Variants in CEP290 observed in about 807,000 individuals in gnomAD.
CEP290 encodes centrosomal protein of 290 kDa.
A neutral mutation model predicts 344.9 loss-of-function variants in CEP290; 317 were observed. That is an observed-to-expected ratio of 0.92 (90% CI 0.84 to 1.01). CEP290 has a LOEUF of 1.01. Among genes scored for constraint, CEP290 ranks in the 50% least tolerant of loss-of-function variants. The pLI is 0.00. For missense variants in CEP290, 2,754 were observed against 2,761.4 expected (o/e 1.00, Z 0.06); for synonymous variants, 932 against 895.8 (o/e 1.04, Z -0.72).
chr12:88,052,371 C>G (rs1415684057), intron 52 of CEP290, among the ~76,000 whole-genome samples: 1 of 152,082 alleles, frequency 6.6e-6, no homozygotes, highest in African/African-American at 2.4e-5. Context: ...CTTATACATG[C>G]AATAATACAC....
chr12:88,119,338 G>A (rs1326075827), intron 15 of CEP290, among the ~76,000 whole-genome samples: 1 of 152,128 alleles, frequency 6.6e-6, no homozygotes, highest in East Asian at 1.9e-4. Context: ...CAGCAACTTA[G>A]TCTGCACTAT....
intron 38 of CEP290, among the ~76,000 whole-genome samples, chr12:88,079,643 C>A (rs1234712563): frequency 6.6e-6 from 1 of 152,032 alleles, no homozygotes; most frequent in Non-Finnish European, 1.5e-5. Flanking sequence ...AATTTCATAG[C>A]TAGCACAGAA....
chr12:88,077,938 G>A lies in CEP290; in HGVS notation c.5365-20C>T. The A allele has an allele frequency of 9.2e-7, 1 of 1,081,136 alleles. No individual in the cohort carries two copies. Among genetic ancestry groups the A allele is most frequent in the Non-Finnish European group, 1.3e-6 (1 of 756,974 alleles). 67.0% of individuals were successfully genotyped at this position (1,081,136 alleles called of 1,614,324 possible). ...TTGTGTCTAATAAGAGAAAAAGAAAGGTATTATTCATGACTCTTCAAGAAG... is the reference window on the plus strand; with the variant it reads ...TTGTGTCTAATAAGAGAAAAAGAAAAGTATTATTCATGACTCTTCAAGAAG... On this transcript the variant is annotated intron_variant, in intron 39 of 53. Transcript: ENST00000552810.
intron 6 of CEP290, among the ~76,000 whole-genome samples, chr12:88,134,947 C>G (rs1395090175): frequency 6.6e-6 from 1 of 152,148 alleles, no homozygotes; most frequent in Non-Finnish European, 1.5e-5. Flanking sequence ...TCTAACTATA[C>G]TTCAGGTCTC....
chr12:88,080,052 G>GATAA (rs1290301566), intron 38 of CEP290, 130 bp downstream of exon 38: 4 of 658,780 alleles, frequency 6.1e-6, no homozygotes, highest in African/African-American at 1.8e-5. Flanking sequence ...AACAGCATAA[G>GATAA]ATAAAGCTCA....
intron 34 of CEP290, among the ~76,000 whole-genome samples, chr12:88,085,587 T>C (rs2036519173): frequency 6.6e-6 from 1 of 152,126 alleles, no homozygotes; most frequent in Non-Finnish European, 1.5e-5. Flanking sequence ...GATGACAGAT[T>C]TGATCACCTA....
Position 88,129,711 on chromosome 12 carries a change from C to T in CEP290, c.835G>A (p.Asp279Asn), listed in dbSNP as rs796540607. 7.0e-6 allele frequency: 10 copies of T among 1,437,084 alleles called. No homozygotes were observed. Among genetic ancestry groups the T allele is most frequent in the African/African-American group, 4.4e-5 (3 of 67,738 alleles). The allele number at this position is 1,437,084 out of a possible 1,614,324, so 89.0% of individuals were successfully genotyped here. A position where few individuals can be genotyped will look rare whatever the true frequency, so the allele number is the denominator to read the frequency against. ...NVIDQLKKEN[D>N]HYQLQVQELT... ...ATTCTTACTTGAAGTTGATAATGAT[C>T]GTTTTCTTTTTTTAACTGATCTATT... is the stretch of plus-strand genomic sequence containing the variant. Residue 279 changes from aspartate (D) to asparagine (N), a missense_variant, in exon 10 of 54, where the codon GAT becomes AAT. Asp to Asn is a conservative substitution (Grantham distance 23, BLOSUM62 1). Transcript: ENST00000552810.
chr12:88,114,156 C>G (rs1205477558), intron 20 of CEP290, among the ~76,000 whole-genome samples: 1 of 152,060 alleles, frequency 6.6e-6, no homozygotes, highest in East Asian at 1.9e-4. Flanking sequence ...AAAAACTCCT[C>G]AAGGTCTCAA....
rs1417635929 is a variant in CEP290, at chr12:88,115,141, A to G, written c.1866T>C (p.Asp622=). ...LSRELIEKER[D]LERSRTVIAK... ...CTATCACTGTCCTACTCCTTTCTAA[A>G]TCTCTTTCTTTTTCAATTAGTTCTC... The change falls in exon 19 of 54, where the codon GAT becomes GAC. Residue 622 remains aspartate (D), a synonymous_variant. Transcript: ENST00000552810. The G allele has an allele frequency of 2.0e-6, 3 of 1,496,952 alleles. No homozygotes were observed. In the South Asian group the frequency reaches 3.7e-5, roughly 19 times the overall value. 92.7% of individuals were successfully genotyped at this position (1,496,952 alleles called of 1,614,324 possible).
intron 44 of CEP290, among the ~76,000 whole-genome samples, chr12:88,066,067 G>T (rs1050382041): frequency 6.6e-6 from 1 of 152,028 alleles, no homozygotes. Flanking sequence ...GAAAAAAAGT[G>T]TTATGAATTA....
At chr12:88,136,488 G>T in intron 6 of CEP290, 155 bp downstream of exon 6, 1 of 684,310 alleles carries the variant, frequency 1.5e-6, no homozygotes, top group Non-Finnish European at 2.4e-6. Context: ...TAAAATTGGT[G>T]ATGACAAAAT....
chr12:88,108,094 T>C (rs2038420052), intron 23 of CEP290, among the ~76,000 whole-genome samples: 1 of 152,128 alleles, frequency 6.6e-6, no homozygotes, highest in African/African-American at 2.4e-5. Context: ...CTTGTGAATT[T>C]AAAAAGTAAT....
intron 27 of CEP290, 64 bp from the exon 28 acceptor site, chr12:88,094,039 A>G: frequency 1.6e-6 from 2 of 1,236,978 alleles, no homozygotes; most frequent in Admixed American, 4.8e-5. Flanking sequence ...CAGATATTTT[A>G]GATGCTGTAT....
At chr12:88,139,124 A>G in intron 5 of CEP290, 21 bp downstream of exon 5, 1 of 1,143,674 alleles carries the variant, frequency 8.7e-7, no homozygotes, top group South Asian at 1.5e-5. Context: ...ATTACATCCT[A>G]GGGAATACAA....
intron 42 of CEP290, 123 bp from the exon 43 acceptor site, chr12:88,071,572 C>T (rs1020883665): frequency 3.3e-6 from 3 of 914,684 alleles, no homozygotes; most frequent in African/African-American, 3.4e-5. Flanking sequence ...AGCTAATTTA[C>T]AACGAGATCA....
chr12:88,070,552 T>C (rs1394387907), intron 43 of CEP290, among the ~76,000 whole-genome samples: 1 of 152,026 alleles, frequency 6.6e-6, no homozygotes, highest in Non-Finnish European at 1.5e-5. Context: ...GAGGCTGCAA[T>C]GGGAACTCAC....
In CEP290 at chr12:88,107,116, CAA is replaced by C; in HGVS notation, c.2484-20_2484-19del. Reference sequence around the variant, plus strand: ...CCTTTTCACTAAAAACAAAACAAAACAAAAAGACAATACTGTAAACCTAATAA... The same window carrying C: ...CCTTTTCACTAAAAACAAAACAAAACAAAGACAATACTGTAAACCTAATAA... On this transcript the variant is annotated intron_variant, in intron 23 of 53. Transcript: ENST00000552810. 7.3e-7 allele frequency: 1 copy of C among 1,376,044 alleles called. No homozygotes were observed. The allele number at this position is 1,376,044 out of a possible 1,614,324, so 85.2% of individuals were successfully genotyped here.
In CEP290 at chr12:88,078,121, G is replaced by GA. The variant is rs757337419; in HGVS notation, c.5365-204dup. On this transcript the variant is annotated intron_variant, in intron 39 of 53. Transcript: ENST00000552810. ...CCTTGAGGAAAAAAGTCGACTTTGA[G>GA]AAAAAAAAAAAAAACTAGTGTAAAG... is the stretch of plus-strand genomic sequence containing the variant. 4.9e-3 allele frequency among the ~76,000 whole-genome samples: 548 copies of GA among 111,310 alleles called. 1 individual carries two copies. The highest frequency in any genetic ancestry group is 0.011 in the Middle Eastern group (2 of 184). The allele number at this position is 111,310 out of a possible 152,430, so 73.0% of individuals were successfully genotyped here. A position where few individuals can be genotyped will look rare whatever the true frequency, so the allele number is the denominator to read the frequency against.
In CEP290 at chr12:88,107,109, A is replaced by C; in HGVS notation, c.2484-11T>G. 6.9e-7 allele frequency: 1 copy of C among 1,442,094 alleles called. No individual in the cohort carries two copies. Among genetic ancestry groups the C allele is most frequent in the Non-Finnish European group, 9.3e-7 (1 of 1,069,742 alleles). 89.3% of individuals were successfully genotyped at this position (1,442,094 alleles called of 1,614,324 possible). A position where few individuals can be genotyped will look rare whatever the true frequency, so the allele number is the denominator to read the frequency against. ...CAGGTCTCCTTTTCACTAAAAACAA[A>C]ACAAAACAAAAAGACAATACTGTAA... is the stretch of plus-strand genomic sequence containing the variant. On this transcript the variant is annotated splice_polypyrimidine_tract_variant and intron_variant, in intron 23 of 53. Coordinates refer to ENST00000552810, the MANE Select transcript of CEP290 (RefSeq NM_025114.4).
Sources: gnomAD v4.1 joint callset for allele counts (sites outside exome capture counted in the v4.1 genomes callset) on GRCh38, gnomAD v4.1.1 for gene constraint, MANE v1.5 for transcripts, NCBI Gene and HGNC (gene_info 2026-07-23, HGNC 2026-07-21) for gene names.